PIP4K2A: variants seen among roughly 807,000 people sequenced by gnomAD.
PIP4K2A encodes phosphatidylinositol-5-phosphate 4-kinase type 2 alpha, also known as phosphatidylinositol 5-phosphate 4-kinase type-2 alpha.
In PIP4K2A, 14 loss-of-function variants were observed where a neutral mutation model predicts 42.9. That is an observed-to-expected ratio of 0.33 (90% CI 0.22 to 0.51). The LOEUF is 0.51. Among genes scored for constraint, PIP4K2A ranks in the 20% least tolerant of loss-of-function variants. The pLI is 0.97. For synonymous variants in PIP4K2A, 192 were observed against 192.2 expected, an observed-to-expected ratio of 1.00 and a Z score of 0.01; for missense variants, 434 against 519.8, an observed-to-expected ratio of 0.83 and a Z score of 1.61.
At chr10:22,551,627 G>A (rs899098561) in intron 6 of PIP4K2A, among the ~76,000 whole-genome samples, 4 of 152,150 alleles carry the variant, frequency 2.6e-5, no homozygotes, top group Non-Finnish European at 4.4e-5. Context: ...CATTCAGTAC[G>A]AGCTCAAAAT....
intron 1 of PIP4K2A, among the ~76,000 whole-genome samples, chr10:22,710,063 CAAAAAAA>C (rs34126375): frequency 1.6e-5 from 2 of 124,688 alleles, no homozygotes; most frequent in South Asian, 2.5e-4. Flanking sequence ...ACCCATGAAC[CAAAAAAA>C]AAAAAAAAAA....
intron 3 of PIP4K2A, among the ~76,000 whole-genome samples, chr10:22,599,092 T>TG (rs201120057): frequency 1.9e-5 from 1 of 53,484 alleles, no homozygotes; most frequent in African/African-American, 3.8e-5. Flanking sequence ...TTCAACCTTT[T>TG]GGGAAAAAAA....
chr10:22,696,348 C>T (rs1029015650), intron 1 of PIP4K2A, among the ~76,000 whole-genome samples: 1 of 152,118 alleles, frequency 6.6e-6, no homozygotes, highest in Non-Finnish European at 1.5e-5. Flanking sequence ...TTAGCTGAGC[C>T]GATTACTTTA....
chr10:22,702,626 A>G (rs1338051041), intron 1 of PIP4K2A, among the ~76,000 whole-genome samples: 1 of 152,122 alleles, frequency 6.6e-6, no homozygotes, highest in Non-Finnish European at 1.5e-5. Flanking sequence ...ACCTCTTATC[A>G]CCAATTTGCA....
rs999706216 is a variant in PIP4K2A, at chr10:22,656,535, G to A, written c.145-46818C>T. On this transcript the variant is annotated intron_variant, in intron 1 of 9. Transcript: ENST00000376573. ...GCTACAAGGGTGCAAATAAAGGCACGGTGGTTCACACCTGTAATCCCGGCA... is the reference window on the plus strand; with the variant it reads ...GCTACAAGGGTGCAAATAAAGGCACAGTGGTTCACACCTGTAATCCCGGCA... 5.3e-5 allele frequency among the ~76,000 whole-genome samples: 8 copies of A among 152,110 alleles called. No homozygotes were observed. The South Asian group carries it at 6.2e-4, about 12-fold the overall frequency.
At chr10:22,657,323 C>T (rs1168116867) in intron 1 of PIP4K2A, among the ~76,000 whole-genome samples, 1 of 152,208 alleles carries the variant, frequency 6.6e-6, no homozygotes, top group African/African-American at 2.4e-5. Flanking sequence ...AACCCCAAAG[C>T]ACTTAAGATA....
At chr10:22,578,022 A>G (rs1837164978) in intron 4 of PIP4K2A, among the ~76,000 whole-genome samples, 1 of 152,228 alleles carries the variant, frequency 6.6e-6, no homozygotes, top group African/African-American at 2.4e-5. Flanking sequence ...TCAGAGAAGC[A>G]TATCAAAGTA....
In PIP4K2A at chr10:22,660,090, T is replaced by C. The variant is rs147077373; in HGVS notation, c.145-50373A>G. Among the ~76,000 whole-genome samples, 244 of 152,252 alleles carry C rather than the reference T, an allele frequency of 1.6e-3. 1 individual carries two copies. The highest frequency in any genetic ancestry group is 2.6e-3 in the Non-Finnish European group (180 of 68,014). On this transcript the variant is annotated intron_variant, in intron 1 of 9. Coordinates refer to ENST00000376573, the MANE Select transcript of PIP4K2A (RefSeq NM_005028.5). ...GCCTTGCTACACAGATGTGGGCCCC[T>C]AGTAGACATGAAAACCGTCTCACTT... is the stretch of plus-strand genomic sequence containing the variant.
At chr10:22,633,047 T>G (rs1838582429) in intron 1 of PIP4K2A, among the ~76,000 whole-genome samples, 1 of 152,192 alleles carries the variant, frequency 6.6e-6, no homozygotes, top group East Asian at 1.9e-4. Context: ...TAGCCTCCCA[T>G]GTAACCACCT....
chr10:22,660,451 A>T (rs149624355), intron 1 of PIP4K2A, among the ~76,000 whole-genome samples: 4,760 of 152,296 alleles, frequency 0.031, 111 homozygotes, highest in Middle Eastern at 0.078. Flanking sequence ...AGCCTGGGCG[A>T]CAGAGTGAGA....
At chr10:22,552,710 A>G (rs546831903) in intron 6 of PIP4K2A, among the ~76,000 whole-genome samples, 140 of 152,308 alleles carry the variant, frequency 9.2e-4, no homozygotes, top group Admixed American at 2.1e-3. Flanking sequence ...CCAGACCTAC[A>G]CACAAAAACA....
intron 1 of PIP4K2A, among the ~76,000 whole-genome samples, chr10:22,678,283 C>T (rs1448439907): frequency 6.6e-6 from 1 of 151,978 alleles, no homozygotes; most frequent in African/African-American, 2.4e-5. Context: ...TAGGTTCATA[C>T]ACCAGCAGAT....
At chr10:22,702,851 C>A (rs887876935) in intron 1 of PIP4K2A, among the ~76,000 whole-genome samples, 2 of 152,184 alleles carry the variant, frequency 1.3e-5, no homozygotes, top group Non-Finnish European at 2.9e-5. Context: ...CACCTACTAT[C>A]TAAACACACT....
chr10:22,689,863 A>C (rs751230313), intron 1 of PIP4K2A, among the ~76,000 whole-genome samples: 1 of 152,206 alleles, frequency 6.6e-6, no homozygotes, highest in Non-Finnish European at 1.5e-5. Flanking sequence ...CAACTGCTCA[A>C]GTTTTTCTTT....
intron 1 of PIP4K2A, among the ~76,000 whole-genome samples, chr10:22,641,189 C>T (rs543261488): frequency 6.6e-6 from 1 of 152,234 alleles, no homozygotes; most frequent in African/African-American, 2.4e-5. Context: ...CCTAATCTAA[C>T]CCCCTCATTT....
At chr10:22,628,244 CCA>C in intron 1 of PIP4K2A, among the ~76,000 whole-genome samples, 1 of 152,274 alleles carries the variant, frequency 6.6e-6, no homozygotes, top group Admixed American at 6.5e-5. Context: ...AAAATATTCT[CCA>C]CAGACTAATT....
intron 1 of PIP4K2A, among the ~76,000 whole-genome samples, chr10:22,628,630 G>T (rs1838493205): frequency 6.6e-6 from 1 of 152,190 alleles, no homozygotes; most frequent in Admixed American, 6.5e-5. Context: ...ATACACGTAA[G>T]ATTCACATTG....
intron 1 of PIP4K2A, among the ~76,000 whole-genome samples, chr10:22,622,729 A>AC (rs1838358123): frequency 2.0e-5 from 3 of 152,222 alleles, no homozygotes; most frequent in Admixed American, 2.0e-4. Context: ...AGAGCAACAA[A>AC]CCACCGGACA....
intron 6 of PIP4K2A, among the ~76,000 whole-genome samples, chr10:22,554,882 T>TGGCCAGCTGAGGCCCC (rs1836496561): frequency 6.6e-6 from 1 of 152,226 alleles, no homozygotes; most frequent in Admixed American, 6.5e-5. Context: ...TCCAAGGCCC[T>TGGCCAGCTGAGGCCCC]GGCCAGCTGA....
Sources: gnomAD v4.1 joint callset for allele counts (sites outside exome capture counted in the v4.1 genomes callset) on GRCh38, gnomAD v4.1.1 for gene constraint, MANE v1.5 for transcripts, NCBI Gene and HGNC (gene_info 2026-07-23, HGNC 2026-07-21) for gene names.